C10orf143: variants seen among roughly 807,000 people sequenced by gnomAD.
The protein encoded by C10orf143 is uncharacterized protein C10orf143.
rs554000436 is a variant in C10orf143 at position 130,058,315 on chromosome 10, A to G, written c.297+21251T>C. On this transcript the variant is annotated intron_variant and NMD_transcript_variant, in intron 3 of 5. Transcript: ENST00000643056. The stretch of plus-strand genomic sequence containing the variant: ...GTCTGACCCCAGCATCTGACTGTGG[A>G]CAAGTGATGCAGCCTCCTTGGGCCT... 2.0e-3 allele frequency among the ~76,000 whole-genome samples: 302 copies of G among 152,272 alleles called. 3 individuals are homozygous for G. The highest frequency in any genetic ancestry group is 6.7e-3 in the African/African-American group (278 of 41,550).
chr10:130,108,408 C>A, intron 1 of C10orf143: 1 of 922,344 alleles, frequency 1.1e-6, no homozygotes, highest in Non-Finnish European at 1.8e-6. Flanking sequence ...ATTCCGCCTT[C>A]AAATGAGCCT....
chr10:130,096,125 T>G (rs986748225), intron 1 of C10orf143, among the ~76,000 whole-genome samples: 3 of 151,912 alleles, frequency 2.0e-5, no homozygotes, highest in African/African-American at 7.2e-5. Context: ...CATCAGAAAG[T>G]GGGTAAAGGA....
intron 1 of C10orf143, chr10:130,107,010 C>A: frequency 8.6e-7 from 1 of 1,161,620 alleles, no homozygotes; most frequent in Non-Finnish European, 1.3e-6. Flanking sequence ...AAGTTAAATG[C>A]TTCTTTAAAA....
In C10orf143 at chr10:130,064,388, A is replaced by G. The variant is rs1860895622; in HGVS notation, c.298-5T>C. The G allele has an allele frequency of 7.5e-6, 3 of 398,488 alleles. No homozygotes were observed. The Admixed American group carries it at 1.3e-4, about 18-fold the overall frequency. 24.7% of individuals were successfully genotyped at this position (398,488 alleles called of 1,614,324 possible). ...CTTGGTATGGCTAAAATGTCCCTAC[A>G]AAGATAAAACAGCACATTGCGGGAA... On this transcript the variant is annotated splice_region_variant and splice_polypyrimidine_tract_variant and intron_variant, in intron 3 of 3. Coordinates refer to ENST00000637128, the MANE Select transcript of C10orf143 (RefSeq NM_001355042.2).
intron 3 of C10orf143, among the ~76,000 whole-genome samples, chr10:130,037,641 A>G (rs1860559595): frequency 6.6e-6 from 1 of 152,252 alleles, no homozygotes; most frequent in South Asian, 2.1e-4. Flanking sequence ...TAGAGCCACA[A>G]CAGGAGGCTG....
chr10:130,107,696 G>A lies in C10orf143; in HGVS notation c.69+3008C>T. The A allele has an allele frequency of 2.4e-6, 3 of 1,260,210 alleles. No individual in the cohort carries two copies. In the South Asian group the frequency reaches 3.6e-5, roughly 15 times the overall value. The allele number at this position is 1,260,210 out of a possible 1,614,324, so 78.1% of individuals were successfully genotyped here. ...ACTCAGACTCTCACCTTTGCCTCCA[G>A]GGGGGGAAGGAAGAGGCTCAAGAGG... On this transcript the variant is annotated intron_variant, in intron 1 of 3. Coordinates refer to ENST00000637128, the MANE Select transcript of C10orf143 (RefSeq NM_001355042.2).
chr10:130,094,416 A>C (rs996465506), intron 1 of C10orf143, among the ~76,000 whole-genome samples: 3 of 152,202 alleles, frequency 2.0e-5, no homozygotes, highest in Non-Finnish European at 4.4e-5. Context: ...TGGCAGAGAC[A>C]CAACAAAAAA....
intron 1 of C10orf143, among the ~76,000 whole-genome samples, chr10:130,082,366 G>T (rs1422994166): frequency 6.6e-6 from 1 of 152,048 alleles, no homozygotes; most frequent in Non-Finnish European, 1.5e-5. Context: ...TTGGAGAAAA[G>T]AAATTTAGAT....
chr10:130,091,742 AAC>A (rs1861385972), intron 1 of C10orf143, among the ~76,000 whole-genome samples: 1 of 152,232 alleles, frequency 6.6e-6, no homozygotes, highest in Non-Finnish European at 1.5e-5. Context: ...GGAGCTGAAA[AAC>A]ACAGCACGAG....
chr10:130,083,750 A>G (rs1861244873), intron 1 of C10orf143, among the ~76,000 whole-genome samples: 1 of 152,214 alleles, frequency 6.6e-6, no homozygotes, highest in Non-Finnish European at 1.5e-5. Flanking sequence ...TATTTGAGAA[A>G]TGAAAGAGAC....
downstream of C10orf143, among the ~76,000 whole-genome samples, chr10:130,060,586 G>C (rs945111695): frequency 6.6e-6 from 1 of 152,100 alleles, no homozygotes; most frequent in Non-Finnish European, 1.5e-5. Flanking sequence ...CACTTTGGGA[G>C]GCCAAGGCGG....
chr10:130,070,748 C>T (rs72843889), intron 3 of C10orf143, among the ~76,000 whole-genome samples: 1,649 of 152,102 alleles, frequency 0.011, 11 homozygotes, highest in Non-Finnish European at 0.017. Flanking sequence ...TATCATTCTA[C>T]GTAGATCCTT....
chr10:130,038,521 C>T (rs577629755), intron 3 of C10orf143, among the ~76,000 whole-genome samples: 107 of 152,248 alleles, frequency 7.0e-4, no homozygotes, highest in African/African-American at 2.5e-3. Context: ...GCAGGCTTAC[C>T]TCTGATATAG....
chr10:130,037,761 G>T (rs1382249450), intron 3 of C10orf143, among the ~76,000 whole-genome samples: 1 of 152,204 alleles, frequency 6.6e-6, no homozygotes, highest in Non-Finnish European at 1.5e-5. Context: ...CCTCGTGTCT[G>T]CATGATCCCA....
chr10:130,074,504 T>C (rs1861083862), intron 3 of C10orf143, among the ~76,000 whole-genome samples: 1 of 152,140 alleles, frequency 6.6e-6, no homozygotes, highest in African/African-American at 2.4e-5. Flanking sequence ...TCGATCTCTG[T>C]TCATCGATAT....
chr10:130,048,845 G>A (rs1246201286), intron 3 of C10orf143, among the ~76,000 whole-genome samples: 2 of 152,002 alleles, frequency 1.3e-5, no homozygotes, highest in African/African-American at 4.8e-5. Context: ...TAGGAGTACA[G>A]ACATGCGCCA....
chr10:130,098,320 C>T (rs1310135477), intron 1 of C10orf143, among the ~76,000 whole-genome samples: 2 of 151,952 alleles, frequency 1.3e-5, no homozygotes, highest in Non-Finnish European at 2.9e-5. Flanking sequence ...GAAGCTCTGT[C>T]TCAAAAAACA....
intron 3 of C10orf143, among the ~76,000 whole-genome samples, chr10:130,045,193 C>A (rs1046383050): frequency 6.6e-6 from 1 of 152,240 alleles, no homozygotes; most frequent in Non-Finnish European, 1.5e-5. Flanking sequence ...CCAGTACTGG[C>A]CACCTGGCGC....
chr10:130,088,320 G>A (rs1345816633), intron 1 of C10orf143, among the ~76,000 whole-genome samples: 1 of 152,144 alleles, frequency 6.6e-6, no homozygotes, highest in Non-Finnish European at 1.5e-5. Context: ...GGAGGCAGAG[G>A]TTGTAGTGAG....
Sources: gnomAD v4.1 joint callset for allele counts (sites outside exome capture counted in the v4.1 genomes callset) on GRCh38, gnomAD v4.1.1 for gene constraint, MANE v1.5 for transcripts, NCBI Gene and HGNC (gene_info 2026-07-23, HGNC 2026-07-21) for gene names.